SMCHD1: variants seen among roughly 807,000 people sequenced by gnomAD.
The protein encoded by SMCHD1 is structural maintenance of chromosomes flexible hinge domain-containing protein 1.
Under a neutral mutation model 254.7 loss-of-function variants are expected in SMCHD1, and 78 were observed. That is an observed-to-expected ratio of 0.31 (90% CI 0.26 to 0.37). The LOEUF is 0.37. Ranked by LOEUF, SMCHD1 falls within the 10% of genes least tolerant of loss-of-function variation. The pLI is 1.00. For missense variants in SMCHD1, 1,840 were observed against 2,408.1 expected, an observed-to-expected ratio of 0.76 and a Z score of 4.94; for synonymous variants, 766 against 794.9, an observed-to-expected ratio of 0.96 and a Z score of 0.61.
chr18:2,729,245 G>A lies in SMCHD1; in HGVS notation c.2914-30G>A, dbSNP rs199499222. The A allele has an allele frequency of 1.9e-4, 263 of 1,409,308 alleles. 2 individuals carry two copies. In the South Asian group the frequency reaches 3.7e-3, roughly 20 times the overall value. 87.3% of individuals were successfully genotyped at this position (1,409,308 alleles called of 1,614,324 possible). A position where few individuals can be genotyped will look rare whatever the true frequency, so the allele number is the denominator to read the frequency against. Reference sequence around the variant, plus strand: ...GAAGAATCAAATATATTTAATAGGGGTCTTACATTATTTTTCATCTTTCAA... The same window carrying A: ...GAAGAATCAAATATATTTAATAGGGATCTTACATTATTTTTCATCTTTCAA... On this transcript the variant is annotated intron_variant, in intron 23 of 47. Transcript: ENST00000320876.
In SMCHD1 at chr18:2,796,097, G is replaced by A; in HGVS notation, c.5868G>A (p.Glu1956=). Residue 1956 remains glutamate (E), a synonymous_variant, in exon 46 of 48, where the codon GAG becomes GAA. Coordinates refer to ENST00000320876, the MANE Select transcript of SMCHD1 (RefSeq NM_015295.3). ...DEHEKNLKLI[E]EKLGMTPIRK... ...ATGAGAAAAATCTCAAACTAATAGA[G>A]GAAAAACTAGGTAAGTCTTTGCTTT... 2 of 1,552,172 alleles carry A rather than the reference G, an allele frequency of 1.3e-6. No homozygotes were observed. The highest frequency in any genetic ancestry group is 2.1e-5 in the Admixed American group (1 of 47,446).
At chr18:2,674,232 T>A in intron 5 of SMCHD1, 87 bp downstream of exon 5, 1 of 1,104,992 alleles carries the variant, frequency 9.0e-7, no homozygotes, top group Non-Finnish European at 1.3e-6. Flanking sequence ...ATGCATATGA[T>A]ACATTGGAGG....
At chr18:2,802,496 A>C in intron 47 of SMCHD1, 32 bp from the exon 48 acceptor site, 1 of 1,541,494 alleles carries the variant, frequency 6.5e-7, no homozygotes, top group Non-Finnish European at 8.8e-7. Context: ...CCTTTGGTAC[A>C]TAAAACTTTT....
At chr18:2,779,084 G>A (rs1486414111) in intron 44 of SMCHD1, 1 of 152,186 alleles carries the variant, frequency 6.6e-6, no homozygotes, top group African/African-American at 2.4e-5. Context: ...AAAGATTATA[G>A]TGGAGCACAG....
At position 2,656,249 on chromosome 18, in the gene SMCHD1, G is replaced by T. The variant is rs2430853; in HGVS notation, c.174G>T (p.Ala58=). The T allele has an allele frequency of 2.5e-5, 38 of 1,492,990 alleles. No individual in the cohort carries two copies. In the South Asian group the frequency reaches 4.0e-4, roughly 16 times the overall value. The allele number at this position is 1,492,990 out of a possible 1,614,324, so 92.5% of individuals were successfully genotyped here. A position where few individuals can be genotyped will look rare whatever the true frequency, so the allele number is the denominator to read the frequency against. ...GERSDYAGFR[A]CVCQTLGISP... ...GCTCGGACTACGCGGGATTTCGCGCGTGTGTGTGTCAGGTACGCGAAGGGG... is the reference window on the plus strand; with the variant it reads ...GCTCGGACTACGCGGGATTTCGCGCTTGTGTGTGTCAGGTACGCGAAGGGG... The change falls in exon 1 of 48, where the codon GCG becomes GCT. Residue 58 remains alanine, a synonymous_variant. Transcript: ENST00000320876.
At chr18:2,771,450 A>T in intron 39 of SMCHD1, 83 bp from the exon 40 acceptor site, 1 of 1,047,596 alleles carries the variant, frequency 9.5e-7, no homozygotes, top group South Asian at 1.6e-5. Context: ...AGGAAAAAAC[A>T]AAAGGAACTT....
chr18:2,685,094 A>ATTT (rs372694951), intron 5 of SMCHD1, among the ~76,000 whole-genome samples: 14,453 of 81,772 alleles, frequency 0.18, 4,449 homozygotes, highest in South Asian at 0.32. Flanking sequence ...TCTGTCCCTT[A>ATTT]TTTTTTTCTT....
chr18:2,759,571 C>CTT (rs61159403), intron 34 of SMCHD1, among the ~76,000 whole-genome samples: 16 of 69,518 alleles, frequency 2.3e-4, no homozygotes, highest in African/African-American at 6.2e-4. Context: ...TTAATTCTCT[C>CTT]TTTTTTTTTT....
intron 13 of SMCHD1, among the ~76,000 whole-genome samples, chr18:2,704,605 T>A (rs1481557024): frequency 1.3e-5 from 1 of 74,752 alleles, no homozygotes; most frequent in Non-Finnish European, 2.8e-5. Flanking sequence ...GAGGAGAGGA[T>A]TTTTTTTTTT....
chr18:2,685,148 G>A (rs1204226394), intron 5 of SMCHD1, among the ~76,000 whole-genome samples: 1 of 132,900 alleles, frequency 7.5e-6, no homozygotes, highest in African/African-American at 2.8e-5. Flanking sequence ...TGCCCAGGCC[G>A]GACTGCAGTG....
At chr18:2,750,277 G>A in intron 31 of SMCHD1, 73 bp from the exon 32 acceptor site, 3 of 1,486,364 alleles carry the variant, frequency 2.0e-6, no homozygotes, top group Non-Finnish European at 2.7e-6. Flanking sequence ...GTTGAACTTT[G>A]CATAAATTGT....
chr18:2,697,754 CTGT>C (rs1254490967), intron 9 of SMCHD1, 74 bp from the exon 10 acceptor site: 1 of 896,506 alleles, frequency 1.1e-6, no homozygotes, highest in East Asian at 2.5e-5. Context: ...TTTACTTATT[CTGT>C]TGTTGAATCA....
intron 12 of SMCHD1, 45 bp downstream of exon 12, chr18:2,700,963 A>C (rs943792496): frequency 1.2e-5 from 17 of 1,380,272 alleles, no homozygotes; most frequent in Non-Finnish European, 1.7e-5. Flanking sequence ...CAAATGTTTT[A>C]TTTTTAAGTA....
At chr18:2,703,377 C>T (rs1443371283) in intron 12 of SMCHD1, among the ~76,000 whole-genome samples, 1 of 152,110 alleles carries the variant, frequency 6.6e-6, no homozygotes, top group Admixed American at 6.6e-5. Context: ...AGCTAGTTCT[C>T]CTCCCAGGCA....
At chr18:2,693,902 A>G (rs2074234539) in intron 7 of SMCHD1, among the ~76,000 whole-genome samples, 1 of 152,172 alleles carries the variant, frequency 6.6e-6, no homozygotes, top group South Asian at 2.1e-4. Context: ...AAGTGCTGGG[A>G]TTACGGGAGT....
chr18:2,783,554 T>C (rs1320117815), intron 44 of SMCHD1, among the ~76,000 whole-genome samples: 2 of 152,160 alleles, frequency 1.3e-5, no homozygotes, highest in African/African-American at 4.8e-5. Context: ...TTTTCCTTTA[T>C]TCTGACTTCT....
intron 7 of SMCHD1, chr18:2,691,586 CACTG>C (rs760868058): frequency 5.3e-5 from 8 of 152,324 alleles, no homozygotes; most frequent in Non-Finnish European, 1.2e-4. Flanking sequence ...AATACTGAGA[CACTG>C]AATCATGCTA....
At chr18:2,797,858 A>G (rs1280186377) in intron 47 of SMCHD1, among the ~76,000 whole-genome samples, 1 of 152,224 alleles carries the variant, frequency 6.6e-6, no homozygotes, top group African/African-American at 2.4e-5. Context: ...CGGAGGTTGC[A>G]GTGAGCTGAG....
intron 44 of SMCHD1, among the ~76,000 whole-genome samples, chr18:2,779,877 C>G (rs910187866): frequency 6.6e-6 from 1 of 152,062 alleles, no homozygotes. Context: ...CCAAGTCACA[C>G]TTTACTAATT....
Sources: allele counts gnomAD v4.1 joint callset (sites outside exome capture counted in the v4.1 genomes callset), GRCh38; gene constraint gnomAD v4.1.1; transcripts MANE v1.5; gene names NCBI Gene and HGNC (gene_info 2026-07-23, HGNC 2026-07-21).